Variants in PUDP observed in about 807,000 individuals in gnomAD.
PUDP encodes pseudouridine-5'-phosphatase.
Under a neutral mutation model 9.4 loss-of-function variants are expected in PUDP, and 8 were observed. The observed-to-expected ratio is 0.85, with a 90% CI of 0.50 to 1.53. The LOEUF (loss-of-function observed/expected upper bound fraction) is 1.53. PUDP is among the 40% of genes most tolerant of loss of function. PUDP has a pLI of 0.00. For synonymous variants in PUDP, 99 were observed against 80.7 expected, an observed-to-expected ratio of 1.23 and a Z score of -1.22; for missense variants, 188 against 189.7, an observed-to-expected ratio of 0.99 and a Z score of 0.05.
At chrX:7,105,483 C>T in intron 2 of PUDP, 137 bp downstream of exon 2, 1 of 444,478 alleles carries the variant, frequency 2.2e-6, no homozygotes, top group South Asian at 4.6e-5. Context: ...CTTTCAGGAG[C>T]ACCAGGAGGG....
intron 2 of PUDP, among the ~76,000 whole-genome samples, chrX:7,085,985 G>C (rs773814833): frequency 1.8e-5 from 2 of 112,137 alleles, no homozygotes; most frequent in Non-Finnish European, 3.8e-5. Flanking sequence ...AGCCTCTGTG[G>C]AAGGGCAGGA....
intron 3 of PUDP, among the ~76,000 whole-genome samples, chrX:6,956,246 T>C (rs1473760659): frequency 4.5e-5 from 5 of 111,251 alleles, no homozygotes. Flanking sequence ...AGACGGGGTT[T>C]CACTGTGTTG....
At chrX:7,086,662 C>T (rs1931273139) in intron 2 of PUDP, among the ~76,000 whole-genome samples, 1 of 112,066 alleles carries the variant, frequency 8.9e-6, no homozygotes, top group South Asian at 3.7e-4. Context: ...TTTTCTAGGC[C>T]TTCCAAATGA....
chrX:6,710,963 G>C (rs758506920), intron 1 of PUDP, among the ~76,000 whole-genome samples: 3 of 111,390 alleles, frequency 2.7e-5, no homozygotes, highest in African/African-American at 6.5e-5. Context: ...ATGGAGAAAG[G>C]GGGGAAAAGT....
intron 1 of PUDP, among the ~76,000 whole-genome samples, chrX:7,010,410 G>A (rs1224829285): frequency 8.0e-5 from 9 of 111,854 alleles, no homozygotes; most frequent in Admixed American, 7.6e-4. Context: ...GCACCACTGC[G>A]GATGCTGTAC....
At chrX:6,892,342 AC>A (rs1417643886) in intron 3 of PUDP, among the ~76,000 whole-genome samples, 1 of 111,120 alleles carries the variant, frequency 9.0e-6, no homozygotes, top group African/African-American at 3.3e-5. Context: ...ATAAAATCAT[AC>A]CCGAGACTTG....
chrX:7,057,929 G>T, intron 3 of PUDP: 1 of 527,366 alleles, frequency 1.9e-6, no homozygotes, highest in Non-Finnish European at 3.1e-6. Context: ...TGATGCTCTC[G>T]TGTTCCTCCC....
chrX:6,957,062 C>A (rs978563675), intron 3 of PUDP, among the ~76,000 whole-genome samples: 1 of 112,322 alleles, frequency 8.9e-6, no homozygotes, highest in African/African-American at 3.2e-5. Flanking sequence ...AAAACCACTT[C>A]CATAATGGGA....
chrX:6,729,227 G>C (rs1474945372), intron 3 of PUDP, among the ~76,000 whole-genome samples: 1 of 111,999 alleles, frequency 8.9e-6, no homozygotes, highest in African/African-American at 3.2e-5. Flanking sequence ...TGCTCACTGA[G>C]ATAAATGCAT....
chrX:6,834,705 G>T (rs187371143), intron 3 of PUDP, among the ~76,000 whole-genome samples: 12 of 111,363 alleles, frequency 1.1e-4, no homozygotes, highest in Non-Finnish European at 2.3e-4. Flanking sequence ...GAAATCAATT[G>T]ACTCAAGGTC....
intron 1 of PUDP, among the ~76,000 whole-genome samples, chrX:6,716,103 C>G (rs1421010771): frequency 9.2e-6 from 1 of 109,212 alleles, no homozygotes; most frequent in African/African-American, 3.3e-5. Flanking sequence ...ACTTGTGAGC[C>G]TAAATGAATA....
At chrX:6,732,636 A>T (rs1924823731) in intron 3 of PUDP, among the ~76,000 whole-genome samples, 1 of 103,685 alleles carries the variant, frequency 9.6e-6, no homozygotes, top group Non-Finnish European at 2.0e-5. Flanking sequence ...GGAAGAGAGG[A>T]AGGAGGGGAG....
At chrX:6,894,530 AT>A (rs1362477745) in intron 3 of PUDP, among the ~76,000 whole-genome samples, 4 of 112,400 alleles carry the variant, frequency 3.6e-5, no homozygotes, top group African/African-American at 1.3e-4. Context: ...TTGGAGTGAG[AT>A]TTGTGAGACA....
intron 3 of PUDP, among the ~76,000 whole-genome samples, chrX:6,858,880 C>G (rs1926954771): frequency 9.0e-6 from 1 of 111,650 alleles, no homozygotes; most frequent in South Asian, 3.8e-4. Context: ...TGGCAGTACA[C>G]TCAGTTGGGG....
At chrX:6,881,308 G>T (rs919748331) in intron 3 of PUDP, among the ~76,000 whole-genome samples, 1 of 112,188 alleles carries the variant, frequency 8.9e-6, no homozygotes, top group African/African-American at 3.2e-5. Context: ...CCTAGGAAGA[G>T]CATCTTATAA....
intron 3 of PUDP, among the ~76,000 whole-genome samples, chrX:6,863,181 C>T (rs1927028979): frequency 8.9e-6 from 1 of 111,910 alleles, no homozygotes; most frequent in Non-Finnish European, 1.9e-5. Context: ...TCCCAAGTAG[C>T]TAGGACTACA....
Position 6,927,261 on chromosome X carries a change from A to G in PUDP, c.*247+49872T>C, listed in dbSNP as rs770161168. On this transcript the variant is annotated intron_variant and NMD_transcript_variant, in intron 3 of 3. Coordinates refer to the PUDP transcript ENST00000655425. ...GAAGACAATTCTTTATAGTGCCTCC[A>G]GCTCTAAAAAGTTAAAATTACTATG... Among the ~76,000 whole-genome samples the G allele has an allele frequency of 9.0e-5, 10 of 111,537 alleles. No individual in the cohort carries two copies. The East Asian group carries it at 2.8e-3, about 31-fold the overall frequency.
intron 3 of PUDP, among the ~76,000 whole-genome samples, chrX:6,903,029 G>C (rs1204116494): frequency 9.0e-6 from 1 of 111,133 alleles, no homozygotes; most frequent in Non-Finnish European, 1.9e-5. Flanking sequence ...TGTCCCCCAA[G>C]AAGAAAATCT....
At chrX:7,105,143 A>T (rs1234088843) in intron 2 of PUDP, among the ~76,000 whole-genome samples, 4 of 110,344 alleles carry the variant, frequency 3.6e-5, no homozygotes, top group African/African-American at 1.3e-4. Context: ...CGGCATATAA[A>T]CACACAGGCT....
Sources: gnomAD v4.1 joint callset for allele counts (sites outside exome capture counted in the v4.1 genomes callset) on GRCh38, gnomAD v4.1.1 for gene constraint, MANE v1.5 for transcripts, NCBI Gene and HGNC (gene_info 2026-07-23, HGNC 2026-07-21) for gene names.